Variants in SPOCK1 observed in about 807,000 individuals in gnomAD.
The protein encoded by SPOCK1 is SPARC (osteonectin), cwcv and kazal like domains proteoglycan 1, also known as testican-1.
In SPOCK1, 23 loss-of-function variants were observed where a neutral mutation model predicts 55.3. The observed-to-expected ratio is 0.42, with a 90% CI of 0.30 to 0.59. The LOEUF (loss-of-function observed/expected upper bound fraction) is 0.59. Among genes scored for constraint, SPOCK1 ranks in the 20% least tolerant of loss-of-function variants. The pLI is 0.22. For synonymous variants in SPOCK1, 226 were observed against 221.0 expected (o/e 1.02, Z -0.20); for missense variants, 499 against 552.5 (o/e 0.90, Z 0.97).
At chr5:137,394,576 C>T (rs182675698) in intron 2 of SPOCK1, among the ~76,000 whole-genome samples, 1 of 152,222 alleles carries the variant, frequency 6.6e-6, no homozygotes, top group Non-Finnish European at 1.5e-5. Flanking sequence ...AAGCCTCCCA[C>T]AGGCTATACC....
chr5:137,419,181 C>A (rs934379744), intron 2 of SPOCK1, among the ~76,000 whole-genome samples: 1 of 152,144 alleles, frequency 6.6e-6, no homozygotes, highest in Non-Finnish European at 1.5e-5. Context: ...GGTACTAGTA[C>A]CATGCTGTTT....
chr5:136,982,296 AAG>A (rs1405604491), intron 9 of SPOCK1, among the ~76,000 whole-genome samples: 1 of 152,242 alleles, frequency 6.6e-6, no homozygotes, highest in African/African-American at 2.4e-5. Context: ...TTGTTTAAAA[AAG>A]AGTATTTACC....
chr5:137,033,765 CATTT>C (rs1296199039), intron 6 of SPOCK1, among the ~76,000 whole-genome samples: 2 of 152,088 alleles, frequency 1.3e-5, no homozygotes, highest in Non-Finnish European at 2.9e-5. Flanking sequence ...TATTAATTTT[CATTT>C]ATTTTTTATT....
chr5:137,488,038 T>A (rs777141658), intron 2 of SPOCK1, among the ~76,000 whole-genome samples: 15 of 152,222 alleles, frequency 9.9e-5, no homozygotes, highest in Non-Finnish European at 2.1e-4. Context: ...AACAATTCTC[T>A]AGGATTTTCC....
At chr5:137,136,837 A>G (rs1310903489) in intron 4 of SPOCK1, among the ~76,000 whole-genome samples, 1 of 152,202 alleles carries the variant, frequency 6.6e-6, no homozygotes, top group Non-Finnish European at 1.5e-5. Flanking sequence ...CCCACTCTAC[A>G]TTGTTTAACA....
chr5:137,201,656 A>T (rs1755427770), intron 3 of SPOCK1, among the ~76,000 whole-genome samples: 1 of 152,224 alleles, frequency 6.6e-6, no homozygotes, highest in Non-Finnish European at 1.5e-5. Context: ...TGCATACTTC[A>T]TTTGAACAAT....
At chr5:137,360,835 C>G (rs755492211) in intron 2 of SPOCK1, among the ~76,000 whole-genome samples, 2 of 152,228 alleles carry the variant, frequency 1.3e-5, no homozygotes, top group East Asian at 3.9e-4. Flanking sequence ...GAAGCCTTCA[C>G]TCAACACTTC....
chr5:137,124,795 G>A (rs1374806694), intron 4 of SPOCK1, among the ~76,000 whole-genome samples: 2 of 152,230 alleles, frequency 1.3e-5, no homozygotes, highest in Non-Finnish European at 2.9e-5. Flanking sequence ...AGCTGCAGAG[G>A]AGAGCTGACT....
intron 3 of SPOCK1, among the ~76,000 whole-genome samples, chr5:137,181,904 G>C (rs1754978108): frequency 6.6e-6 from 1 of 152,190 alleles, no homozygotes; most frequent in Non-Finnish European, 1.5e-5. Context: ...ACAGGACCTG[G>C]CCATGAAGTT....
chr5:137,034,504 C>T (rs949341362), intron 6 of SPOCK1, among the ~76,000 whole-genome samples: 8 of 152,158 alleles, frequency 5.3e-5, no homozygotes, highest in Non-Finnish European at 8.8e-5. Flanking sequence ...GATGGCATGA[C>T]GGTGCACTCA....
At chr5:137,137,965 A>AACAC (rs558687794) in intron 4 of SPOCK1, among the ~76,000 whole-genome samples, 1 of 151,490 alleles carries the variant, frequency 6.6e-6, no homozygotes. Flanking sequence ...TGAACACTCA[A>AACAC]ACACACACAC....
chr5:137,424,109 G>A (rs1752558361), intron 2 of SPOCK1, among the ~76,000 whole-genome samples: 1 of 152,122 alleles, frequency 6.6e-6, no homozygotes, highest in Admixed American at 6.5e-5. Flanking sequence ...GCCAGGCATG[G>A]TGGCGCACAC....
intron 2 of SPOCK1, among the ~76,000 whole-genome samples, chr5:137,367,896 G>A (rs993744911): frequency 6.6e-6 from 1 of 152,230 alleles, no homozygotes; most frequent in African/African-American, 2.4e-5. Flanking sequence ...TGTAGCCAAG[G>A]CGAGGGCAAA....
At chr5:137,211,556 C>T (rs1009249864) in intron 3 of SPOCK1, among the ~76,000 whole-genome samples, 36 of 152,156 alleles carry the variant, frequency 2.4e-4, no homozygotes, top group African/African-American at 8.0e-4. Flanking sequence ...CTTGGAATCT[C>T]TGGAGTGATG....
intron 3 of SPOCK1, among the ~76,000 whole-genome samples, chr5:137,199,111 A>G (rs894168390): frequency 6.6e-6 from 1 of 152,166 alleles, no homozygotes; most frequent in Admixed American, 6.5e-5. Context: ...CTGAGCTTTT[A>G]AGGAGGAAAA....
At chr5:137,459,393 G>A (rs751285172) in intron 2 of SPOCK1, among the ~76,000 whole-genome samples, 4 of 151,752 alleles carry the variant, frequency 2.6e-5, no homozygotes, top group Non-Finnish European at 5.9e-5. Context: ...CAATGAAGAG[G>A]TGGTTCCAAG....
intron 3 of SPOCK1, among the ~76,000 whole-genome samples, chr5:137,182,663 C>A (rs1053685606): frequency 1.3e-5 from 2 of 152,150 alleles, no homozygotes; most frequent in African/African-American, 4.8e-5. Flanking sequence ...GCCTGCCAGA[C>A]TGTGAACTCC....
chr5:137,034,600 C>G (rs1317847369), intron 6 of SPOCK1, among the ~76,000 whole-genome samples: 2 of 152,090 alleles, frequency 1.3e-5, no homozygotes, highest in African/African-American at 2.4e-5. Flanking sequence ...TATCAATAAG[C>G]CTGTTTTATA....
chr5:137,037,267 G>T (rs1751902777), intron 6 of SPOCK1, among the ~76,000 whole-genome samples: 1 of 151,302 alleles, frequency 6.6e-6, no homozygotes. Context: ...GATCTTACTA[G>T]ACGGGAATAG....
Sources: gnomAD v4.1 joint callset for allele counts (sites outside exome capture counted in the v4.1 genomes callset) on GRCh38, gnomAD v4.1.1 for gene constraint, MANE v1.5 for transcripts, NCBI Gene and HGNC (gene_info 2026-07-23, HGNC 2026-07-21) for gene names.